Variants in MBOAT2 observed in about 807,000 individuals in gnomAD.
The protein encoded by MBOAT2 is membrane-bound glycerophospholipid O-acyltransferase 2.
Under a neutral mutation model 63.4 loss-of-function variants are expected in MBOAT2, and 28 were observed. That is an observed-to-expected ratio of 0.44 (90% CI 0.33 to 0.61). The LOEUF (loss-of-function observed/expected upper bound fraction) is 0.61. MBOAT2 is among the 20% of genes least tolerant of loss of function. The pLI, the probability that MBOAT2 is intolerant of heterozygous loss-of-function variation, is 0.03. For synonymous variants in MBOAT2, 211 were observed against 215.6 expected (o/e 0.98, Z 0.19); for missense variants, 470 against 605.8 (o/e 0.78, Z 2.35).
At chr2:8,905,801 T>C (rs1665284527) in intron 4 of MBOAT2, among the ~76,000 whole-genome samples, 1 of 152,322 alleles carries the variant, frequency 6.6e-6, no homozygotes. Flanking sequence ...ACTTAAAGTA[T>C]AATAATAAAA....
intron 4 of MBOAT2, among the ~76,000 whole-genome samples, chr2:8,898,570 G>A (rs1201402966): frequency 1.3e-5 from 2 of 152,234 alleles, no homozygotes; most frequent in African/African-American, 2.4e-5. Flanking sequence ...CTGCTGGCAA[G>A]AGGCTTCTGA....
intron 11 of MBOAT2, 125 bp from the exon 12 acceptor site, chr2:8,860,889 G>T (rs1661445034): frequency 2.7e-6 from 2 of 740,502 alleles, no homozygotes; most frequent in Non-Finnish European, 2.2e-6. Flanking sequence ...TAAGTTGCTA[G>T]TGGGAATGTA....
At chr2:8,923,373 G>A (rs764388357) in intron 3 of MBOAT2, among the ~76,000 whole-genome samples, 3 of 152,162 alleles carry the variant, frequency 2.0e-5, no homozygotes, top group Non-Finnish European at 2.9e-5. Context: ...CACTTTGGCA[G>A]ATCAGGAGAC....
At chr2:8,887,693 C>T (rs941301929) in intron 5 of MBOAT2, among the ~76,000 whole-genome samples, 3 of 152,104 alleles carry the variant, frequency 2.0e-5, no homozygotes, top group Non-Finnish European at 2.9e-5. Flanking sequence ...AAAAATTTAA[C>T]GAGGAGCTGA....
intron 3 of MBOAT2, among the ~76,000 whole-genome samples, chr2:8,926,763 G>A (rs1413143153): frequency 6.6e-6 from 1 of 152,194 alleles, no homozygotes. Flanking sequence ...ACAGACCAGA[G>A]GCCAGAGGGA....
intron 2 of MBOAT2, among the ~76,000 whole-genome samples, chr2:8,955,304 A>G (rs1426947326): frequency 2.0e-5 from 3 of 152,234 alleles, no homozygotes; most frequent in South Asian, 2.1e-4. Flanking sequence ...CCTCTCCCCA[A>G]GTTGGCTCCA....
At chr2:8,943,321 G>T in intron 2 of MBOAT2, 57 bp from the exon 3 acceptor site, 2 of 1,078,146 alleles carry the variant, frequency 1.9e-6, no homozygotes, top group Non-Finnish European at 2.7e-6. Flanking sequence ...ACATCAAGCT[G>T]AAGTGAATTA....
At chr2:8,887,076 T>A (rs1237926713) in intron 5 of MBOAT2, among the ~76,000 whole-genome samples, 1 of 152,188 alleles carries the variant, frequency 6.6e-6, no homozygotes, top group Non-Finnish European at 1.5e-5. Flanking sequence ...GAAGCTGAAC[T>A]GGAATCTGAG....
chr2:8,899,099 T>C (rs144251554), intron 4 of MBOAT2, among the ~76,000 whole-genome samples: 2 of 152,328 alleles, frequency 1.3e-5, no homozygotes, highest in Admixed American at 1.3e-4. Context: ...GTGGGGTCTT[T>C]TAGCCTGATT....
At chr2:8,955,981 T>C (rs1239597893) in intron 2 of MBOAT2, among the ~76,000 whole-genome samples, 1 of 152,214 alleles carries the variant, frequency 6.6e-6, no homozygotes, top group East Asian at 1.9e-4. Flanking sequence ...GGTATGTACA[T>C]TGTTTTTTTA....
chr2:8,973,885 C>T (rs1055993059), intron 1 of MBOAT2, among the ~76,000 whole-genome samples: 4 of 152,018 alleles, frequency 2.6e-5, no homozygotes, highest in African/African-American at 2.4e-5. Context: ...ACTGACATAA[C>T]GTTAATAGTG....
At chr2:8,922,626 G>T (rs1162132731) in intron 3 of MBOAT2, among the ~76,000 whole-genome samples, 1 of 152,212 alleles carries the variant, frequency 6.6e-6, no homozygotes, top group Non-Finnish European at 1.5e-5. Context: ...TGAGTGGTCA[G>T]TCAATGATTA....
intron 2 of MBOAT2, among the ~76,000 whole-genome samples, chr2:8,946,619 C>T (rs757250717): frequency 5.3e-5 from 8 of 152,088 alleles, no homozygotes; most frequent in Non-Finnish European, 1.2e-4. Context: ...GTCTCTCTGG[C>T]GTATTTTGGT....
intron 1 of MBOAT2, among the ~76,000 whole-genome samples, chr2:8,996,952 C>T (rs552586117): frequency 1.3e-4 from 20 of 152,270 alleles, no homozygotes; most frequent in African/African-American, 4.6e-4. Context: ...GAAAAAGATT[C>T]GTGTGCAAGG....
intron 4 of MBOAT2, among the ~76,000 whole-genome samples, chr2:8,888,909 G>A (rs748221852): frequency 2.0e-5 from 3 of 152,106 alleles, no homozygotes; most frequent in African/African-American, 4.8e-5. Context: ...CCACCAGGAA[G>A]GCTTTTATCC....
At chr2:8,962,669 A>G (rs1388762587) in intron 1 of MBOAT2, among the ~76,000 whole-genome samples, 8 of 152,116 alleles carry the variant, frequency 5.3e-5, no homozygotes, top group Non-Finnish European at 1.2e-4. Context: ...AGCTATGAAA[A>G]CTAAAACTAT....
At chr2:8,912,279 AAGAC>A (rs1411281556) in intron 3 of MBOAT2, among the ~76,000 whole-genome samples, 2 of 146,776 alleles carry the variant, frequency 1.4e-5, no homozygotes, top group African/African-American at 5.1e-5. Context: ...GAAAGACAGA[AAGAC>A]AGAAGGAAAA....
At chr2:8,866,856 A>C (rs1661933099) in intron 9 of MBOAT2, among the ~76,000 whole-genome samples, 1 of 152,128 alleles carries the variant, frequency 6.6e-6, no homozygotes, top group Non-Finnish European at 1.5e-5. Context: ...TCCGATTCAG[A>C]TTTGGTTATC....
At chr2:8,887,582 C>T (rs1165528692) in intron 5 of MBOAT2, among the ~76,000 whole-genome samples, 1 of 152,140 alleles carries the variant, frequency 6.6e-6, no homozygotes, top group Non-Finnish European at 1.5e-5. Flanking sequence ...TGTCCACTCA[C>T]TGAAGACAGA....
Sources: allele counts gnomAD v4.1 joint callset (sites outside exome capture counted in the v4.1 genomes callset), GRCh38; gene constraint gnomAD v4.1.1; transcripts MANE v1.5; gene names NCBI Gene and HGNC (gene_info 2026-07-23, HGNC 2026-07-21).